NAA60: variants seen among roughly 807,000 people sequenced by gnomAD.
NAA60 encodes N-alpha-acetyltransferase 60.
Under a neutral mutation model 26.1 loss-of-function variants are expected in NAA60, and 8 were observed. That is an observed-to-expected ratio of 0.31 (90% CI 0.18 to 0.55). NAA60 has a LOEUF of 0.55. Ranked by LOEUF, NAA60 falls within the 20% of genes least tolerant of loss-of-function variation. The pLI, the probability that NAA60 is intolerant of heterozygous loss-of-function variation, is 0.93. For synonymous variants in NAA60, 131 were observed against 122.5 expected (o/e 1.07, Z -0.46); for missense variants, 290 against 311.3 (o/e 0.93, Z 0.51).
At chr16:3,477,539 GCC>G (rs2036555135) in intron 3 of NAA60, among the ~76,000 whole-genome samples, 1 of 151,404 alleles carries the variant, frequency 6.6e-6, no homozygotes, top group African/African-American at 2.4e-5. Flanking sequence ...AGTGGCTCAC[GCC>G]TGTAATCCCA....
At chr16:3,468,397 C>T (rs1410193362) in intron 2 of NAA60, among the ~76,000 whole-genome samples, 1 of 152,278 alleles carries the variant, frequency 6.6e-6, no homozygotes, top group South Asian at 2.1e-4. Context: ...GGTTCCCTGC[C>T]TCCAGACCCT....
At chr16:3,478,500 A>G (rs534115278) in intron 3 of NAA60, among the ~76,000 whole-genome samples, 3 of 152,016 alleles carry the variant, frequency 2.0e-5, no homozygotes, top group East Asian at 3.9e-4. Flanking sequence ...AACCCTACAC[A>G]CCCTAGAAAC....
At chr16:3,452,006 G>A (rs960553343) in intron 2 of NAA60, among the ~76,000 whole-genome samples, 4 of 151,890 alleles carry the variant, frequency 2.6e-5, no homozygotes, top group African/African-American at 9.7e-5. Context: ...CTTGCACCAG[G>A]AGTTCGAGAC....
At chr16:3,477,933 C>T (rs534864839) in intron 3 of NAA60, among the ~76,000 whole-genome samples, 1 of 152,256 alleles carries the variant, frequency 6.6e-6, no homozygotes, top group Middle Eastern at 3.4e-3. Context: ...GGGCATGGTG[C>T]AGGCACCTGT....
chr16:3,480,823 T>C (rs1331933297), intron 4 of NAA60, among the ~76,000 whole-genome samples: 3 of 152,130 alleles, frequency 2.0e-5, no homozygotes, highest in Non-Finnish European at 4.4e-5. Context: ...CAAGAATCAC[T>C]TGAACCCAGG....
At chr16:3,460,361 T>C (rs1342278710) in intron 2 of NAA60, among the ~76,000 whole-genome samples, 1 of 152,112 alleles carries the variant, frequency 6.6e-6, no homozygotes, top group Non-Finnish European at 1.5e-5. Flanking sequence ...TTTGTTTTTT[T>C]GTTGTCGTTG....
chr16:3,471,507 AAATAAT>A (rs1450435620), intron 2 of NAA60, among the ~76,000 whole-genome samples: 1 of 152,064 alleles, frequency 6.6e-6, no homozygotes, highest in Non-Finnish European at 1.5e-5. Flanking sequence ...CCATCTCAAA[AAATAAT>A]AATAATAAAA....
intron 2 of NAA60, 73 bp downstream of exon 2, chr16:3,448,613 C>A (rs1237021158): frequency 3.3e-6 from 4 of 1,217,944 alleles, no homozygotes; most frequent in African/African-American, 3.0e-5. Flanking sequence ...TAAGTGAAAT[C>A]CATTTTTGAC....
chr16:3,464,990 G>A (rs1245923431), intron 2 of NAA60, among the ~76,000 whole-genome samples: 1 of 152,186 alleles, frequency 6.6e-6, no homozygotes, highest in Non-Finnish European at 1.5e-5. Flanking sequence ...AAAAGGGGCC[G>A]GGTGCAGTGG....
intron 2 of NAA60, among the ~76,000 whole-genome samples, chr16:3,451,909 C>A (rs1052041579): frequency 6.6e-6 from 1 of 151,312 alleles, no homozygotes; most frequent in African/African-American, 2.4e-5. Flanking sequence ...CAGAGCAAGA[C>A]CCTGTCTCAA....
intron 2 of NAA60, among the ~76,000 whole-genome samples, chr16:3,461,375 C>T (rs1457684019): frequency 1.3e-5 from 2 of 152,082 alleles, no homozygotes; most frequent in Non-Finnish European, 2.9e-5. Flanking sequence ...CAGAGAGGTG[C>T]CAGTCACCCC....
chr16:3,480,036 G>T lies in NAA60; in HGVS notation c.240+436G>T, dbSNP rs543919234. On this transcript the variant is annotated intron_variant, in intron 4 of 7. Coordinates refer to ENST00000407558, the MANE Select transcript of NAA60 (RefSeq NM_001083601.3). ...ATTTTTTTTCCTCTAACTTCACAGA[G>T]CCCTTTAAGATCTAAGAACCCTTTG... is the stretch of plus-strand genomic sequence containing the variant. 2.6e-5 allele frequency among the ~76,000 whole-genome samples: 4 copies of T among 152,250 alleles called. No individual in the cohort carries two copies. The East Asian group carries it at 7.7e-4, about 29-fold the overall frequency.
chr16:3,480,405 T>C (rs2036751868), intron 4 of NAA60, among the ~76,000 whole-genome samples: 1 of 152,062 alleles, frequency 6.6e-6, no homozygotes, highest in Admixed American at 6.6e-5. Context: ...AAGACCAGCC[T>C]GGCCAACATG....
intron 2 of NAA60, chr16:3,449,939 C>G (rs1051260705): frequency 2.5e-6 from 1 of 397,214 alleles, no homozygotes; most frequent in African/African-American, 2.1e-5. Context: ...CCACGTGGAA[C>G]TGTAAGTCCA....
At chr16:3,462,429 C>G (rs1248291340) in intron 2 of NAA60, among the ~76,000 whole-genome samples, 7 of 152,192 alleles carry the variant, frequency 4.6e-5, no homozygotes, top group African/African-American at 1.7e-4. Flanking sequence ...ATAGCTCATT[C>G]TGACTCCTGC....
At chr16:3,460,665 C>T (rs1310111288) in intron 2 of NAA60, among the ~76,000 whole-genome samples, 5 of 152,278 alleles carry the variant, frequency 3.3e-5, no homozygotes, top group East Asian at 3.9e-4. Flanking sequence ...GCATCCAGCC[C>T]GCCCTCATGG....
chr16:3,461,473 C>T (rs930608807), intron 2 of NAA60, among the ~76,000 whole-genome samples: 2 of 152,184 alleles, frequency 1.3e-5, no homozygotes, highest in African/African-American at 2.4e-5. Flanking sequence ...GCAGCTCAGA[C>T]GGGATTCCCC....
chr16:3,485,618 G>A lies in NAA60; in HGVS notation c.*358G>A, dbSNP rs1030708638. The A allele has an allele frequency of 2.2e-6, 1 of 456,606 alleles. No individual in the cohort carries two copies. The highest frequency in any genetic ancestry group is 1.5e-5 in the South Asian group (1 of 64,568). 28.3% of individuals were successfully genotyped at this position (456,606 alleles called of 1,614,324 possible). A position where few individuals can be genotyped will look rare whatever the true frequency, so the allele number is the denominator to read the frequency against. ...CTGGGCCTCTCCCACTCCGCTGCCT[G>A]TTCTTGCAGCTCCTTCCTGGAAAGC... is the stretch of plus-strand genomic sequence containing the variant. On this transcript the variant is annotated 3_prime_UTR_variant, in exon 8 of 8. Coordinates refer to ENST00000407558, the MANE Select transcript of NAA60 (RefSeq NM_001083601.3).
chr16:3,485,647 A>AG lies in NAA60; in HGVS notation c.*391dup, dbSNP rs1477447745. ...TTGCAGCTCCTTCCTGGAAAGCTGG[A>AG]GGGGACTTTCTCCTGCAAGGGAGGA... On this transcript the variant is annotated 3_prime_UTR_variant, in exon 8 of 8. Transcript: ENST00000407558. 1 of 456,520 alleles carries AG rather than the reference A, an allele frequency of 2.2e-6. No individual in the cohort carries two copies. Among genetic ancestry groups the AG allele is most frequent in the Non-Finnish European group, 4.4e-6 (1 of 226,944 alleles). 28.3% of individuals were successfully genotyped at this position (456,520 alleles called of 1,614,324 possible). A position where few individuals can be genotyped will look rare whatever the true frequency, so the allele number is the denominator to read the frequency against.
Sources: gnomAD v4.1 joint callset for allele counts (sites outside exome capture counted in the v4.1 genomes callset) on GRCh38, gnomAD v4.1.1 for gene constraint, MANE v1.5 for transcripts, NCBI Gene and HGNC (gene_info 2026-07-23, HGNC 2026-07-21) for gene names.